UCK2: variants seen among roughly 807,000 people sequenced by gnomAD.
The protein encoded by UCK2 is uridine-cytidine kinase 2.
In UCK2, 6 loss-of-function variants were observed where a neutral mutation model predicts 30.8. The observed-to-expected ratio is 0.19, with a 90% CI of 0.11 to 0.38. UCK2 has a LOEUF of 0.38. Among genes scored for constraint, UCK2 ranks in the 10% least tolerant of loss-of-function variants. The pLI is 1.00. For missense variants in UCK2, 210 were observed against 339.8 expected, an observed-to-expected ratio of 0.62 and a Z score of 3.00; for synonymous variants, 125 against 133.6, an observed-to-expected ratio of 0.94 and a Z score of 0.45.
At chr1:165,876,422 A>G (rs888251277) in intron 1 of UCK2, among the ~76,000 whole-genome samples, 5 of 152,244 alleles carry the variant, frequency 3.3e-5, no homozygotes, top group African/African-American at 7.2e-5. Flanking sequence ...AGACATGCCT[A>G]TATTCCAGAT....
At chr1:165,905,018 A>G (rs2101889320) in intron 5 of UCK2, among the ~76,000 whole-genome samples, 1 of 152,338 alleles carries the variant, frequency 6.6e-6, no homozygotes, top group South Asian at 2.1e-4. Context: ...CTAGGAGTGA[A>G]CAGTGTCATG....
At chr1:165,887,275 G>A (rs1186491592) in intron 1 of UCK2, among the ~76,000 whole-genome samples, 1 of 152,156 alleles carries the variant, frequency 6.6e-6, no homozygotes, top group African/African-American at 2.4e-5. Flanking sequence ...CATGCAGCGG[G>A]GGATCAACAC....
At chr1:165,888,354 C>T (rs917925859) in intron 1 of UCK2, among the ~76,000 whole-genome samples, 8 of 151,616 alleles carry the variant, frequency 5.3e-5, no homozygotes, top group East Asian at 1.9e-4. Flanking sequence ...GTACATGGCA[C>T]GATCTCAGCT....
chr1:165,911,172 G>A lies in UCK2; in HGVS notation c.*3349G>A, dbSNP rs143219806. 3.9e-5 allele frequency: 6 copies of A among 152,480 alleles called. No homozygotes were observed. The East Asian group carries it at 1.2e-3, about 29-fold the overall frequency. 9.4% of individuals were successfully genotyped at this position (152,480 alleles called of 1,614,324 possible). On this transcript the variant is annotated 3_prime_UTR_variant, in exon 7 of 7. Coordinates refer to ENST00000367879, the MANE Select transcript of UCK2 (RefSeq NM_012474.5). ...AACTCGGCAGGCTGAGGAGCAGCTA[G>A]GTAGGTGGGTTATGCGGTTCAGGAC...
chr1:165,903,338 A>C, intron 5 of UCK2, 59 bp downstream of exon 5: 1 of 1,500,702 alleles, frequency 6.7e-7, no homozygotes, highest in Non-Finnish European at 9.2e-7. Context: ...TGATGATATA[A>C]ACGAAGGTGT....
intron 1 of UCK2, among the ~76,000 whole-genome samples, chr1:165,837,473 T>C (rs758515741): frequency 1.8e-4 from 27 of 152,216 alleles, no homozygotes; most frequent in Non-Finnish European, 2.5e-4. Flanking sequence ...ACCAGTTAGA[T>C]TTCCTGAAGG....
intron 1 of UCK2, among the ~76,000 whole-genome samples, chr1:165,838,795 C>T (rs751778533): frequency 6.6e-5 from 10 of 151,478 alleles, no homozygotes; most frequent in South Asian, 2.1e-4. Context: ...TGCATGTCAT[C>T]GCAGCACTTT....
intron 1 of UCK2, among the ~76,000 whole-genome samples, chr1:165,848,477 C>T (rs188651082): frequency 1.3e-5 from 2 of 152,048 alleles, no homozygotes; most frequent in East Asian, 1.9e-4. Flanking sequence ...ACAAAAAATA[C>T]AAAAATTAGC....
chr1:165,890,436 G>A, intron 2 of UCK2, 73 bp downstream of exon 2: 3 of 1,508,660 alleles, frequency 2.0e-6, no homozygotes, highest in South Asian at 1.2e-5. Context: ...TTGCTCATGA[G>A]GAAGTTGCTT....
intron 1 of UCK2, among the ~76,000 whole-genome samples, chr1:165,863,902 T>C (rs560397883): frequency 6.6e-6 from 1 of 152,388 alleles, no homozygotes; most frequent in East Asian, 1.9e-4. Flanking sequence ...AACGTATTTG[T>C]TAAATATGGC....
chr1:165,844,949 A>G (rs913127522), intron 1 of UCK2, among the ~76,000 whole-genome samples: 5 of 152,144 alleles, frequency 3.3e-5, no homozygotes, highest in African/African-American at 1.2e-4. Context: ...TGTTCCCTTT[A>G]TAATAAATGG....
At chr1:165,878,418 C>T (rs184747768) in intron 1 of UCK2, among the ~76,000 whole-genome samples, 170 of 151,996 alleles carry the variant, frequency 1.1e-3, no homozygotes, top group Non-Finnish European at 9.9e-4. Flanking sequence ...GTAGTCTCCA[C>T]CTTCTGGGTT....
At chr1:165,892,050 TGAG>T (rs1557847240) in intron 3 of UCK2, 1 of 144,854 alleles carries the variant, frequency 6.9e-6, no homozygotes, top group African/African-American at 2.6e-5. Flanking sequence ...AGGAGGAAGA[TGAG>T]AGAGAGAGAG....
At chr1:165,840,757 T>C (rs534673903) in intron 1 of UCK2, among the ~76,000 whole-genome samples, 12 of 152,300 alleles carry the variant, frequency 7.9e-5, no homozygotes, top group African/African-American at 2.6e-4. Context: ...TCCTTTCCTG[T>C]AGTTAAGTTG....
chr1:165,863,413 G>C (rs1258421812), intron 1 of UCK2, among the ~76,000 whole-genome samples: 1 of 152,134 alleles, frequency 6.6e-6, no homozygotes, highest in Non-Finnish European at 1.5e-5. Context: ...CAGTATTATT[G>C]TTTCCTGATT....
chr1:165,859,203 C>T (rs1318192159), intron 1 of UCK2, among the ~76,000 whole-genome samples: 3 of 152,108 alleles, frequency 2.0e-5, no homozygotes, highest in African/African-American at 7.2e-5. Context: ...CATCTCATTT[C>T]CCCCTGCGGA....
At chr1:165,881,359 T>TTTG (rs1557844202) in intron 1 of UCK2, among the ~76,000 whole-genome samples, 3 of 151,846 alleles carry the variant, frequency 2.0e-5, no homozygotes, top group South Asian at 2.1e-4. Context: ...CAGGGTTTTT[T>TTTG]TTTGTTTGTT....
chr1:165,885,191 A>C (rs1246702915), intron 1 of UCK2: 10 of 388,320 alleles, frequency 2.6e-5, no homozygotes, highest in East Asian at 1.1e-4. Context: ...AAAGCGGCTT[A>C]TGTTCTAAAA....
At chr1:165,831,478 C>T (rs1654044894) in intron 1 of UCK2, among the ~76,000 whole-genome samples, 1 of 152,216 alleles carries the variant, frequency 6.6e-6, no homozygotes, top group Non-Finnish European at 1.5e-5. Context: ...ACTTCTTTGC[C>T]TGCATACATA....
Sources: allele counts gnomAD v4.1 joint callset (sites outside exome capture counted in the v4.1 genomes callset), GRCh38; gene constraint gnomAD v4.1.1; transcripts MANE v1.5; gene names NCBI Gene and HGNC (gene_info 2026-07-23, HGNC 2026-07-21).